The following GPM6A variants were observed in gnomAD, a reference collection of about 807,000 sequenced individuals.
GPM6A encodes neuronal membrane glycoprotein M6-a.
In GPM6A, 7 loss-of-function variants were observed where a neutral mutation model predicts 32.1. The ratio of observed to expected loss-of-function variants is 0.22; its 90% CI spans 0.12 to 0.41. The LOEUF is 0.41. GPM6A is among the 10% of genes least tolerant of loss of function. The pLI is 1.00. For missense variants in GPM6A, 235 were observed against 347.2 expected, an observed-to-expected ratio of 0.68 and a Z score of 2.57; for synonymous variants, 130 against 123.4, an observed-to-expected ratio of 1.05 and a Z score of -0.35.
In GPM6A at chr4:175,634,341, C is replaced by T. The variant is rs1475283891; in HGVS notation, c.*564G>A. 1 of 152,152 alleles carries T rather than the reference C, an allele frequency of 6.6e-6. No homozygotes were observed. The highest frequency in any genetic ancestry group is 2.4e-5 in the African/African-American group (1 of 41,300). 9.4% of individuals were successfully genotyped at this position (152,152 alleles called of 1,614,324 possible). A position where few individuals can be genotyped will look rare whatever the true frequency, so the allele number is the denominator to read the frequency against. ...TACTCTTACAAATTTAGAAATTGCA[C>T]CTTAGATTGATGAAAACATGAACCA... On this transcript the variant is annotated 3_prime_UTR_variant, in exon 7 of 7. Coordinates refer to ENST00000393658, the MANE Select transcript of GPM6A (RefSeq NM_201591.3).
At chr4:175,998,510 C>T (rs1245433745) in intron 1 of GPM6A, among the ~76,000 whole-genome samples, 1 of 152,216 alleles carries the variant, frequency 6.6e-6, no homozygotes, top group Non-Finnish European at 1.5e-5. Context: ...TTGTCCAAAA[C>T]ATGCAGAAAG....
intron 1 of GPM6A, chr4:175,907,287 T>C (rs1262219877): frequency 2.0e-5 from 3 of 152,150 alleles, no homozygotes; most frequent in South Asian, 2.1e-4. Context: ...CTAGTTTTAA[T>C]TGTGCTCTTT....
chr4:175,866,929 T>G (rs1336504558), intron 1 of GPM6A, among the ~76,000 whole-genome samples: 1 of 152,212 alleles, frequency 6.6e-6, no homozygotes, highest in Non-Finnish European at 1.5e-5. Flanking sequence ...CTGCATTTGG[T>G]GTTGTCAGTA....
intron 3 of GPM6A, among the ~76,000 whole-genome samples, chr4:175,655,749 T>C (rs746894083): frequency 6.6e-6 from 1 of 152,110 alleles, no homozygotes; most frequent in African/African-American, 2.4e-5. Context: ...TGAAATCAGA[T>C]GACCTAGTCA....
intron 1 of GPM6A, among the ~76,000 whole-genome samples, chr4:175,995,421 A>G (rs897089543): frequency 2.6e-5 from 4 of 151,796 alleles, no homozygotes; most frequent in Admixed American, 2.6e-4. Context: ...ACGAAGCACA[A>G]TACAGTGAAG....
intron 1 of GPM6A, among the ~76,000 whole-genome samples, chr4:175,865,768 T>C (rs1036203687): frequency 6.6e-5 from 10 of 152,312 alleles, no homozygotes; most frequent in African/African-American, 2.4e-4. Context: ...TATTTTTGTC[T>C]ATTCTGCTGA....
chr4:175,879,753 T>C (rs1737209123), intron 1 of GPM6A, among the ~76,000 whole-genome samples: 1 of 152,144 alleles, frequency 6.6e-6, no homozygotes. Flanking sequence ...CTAATTATTA[T>C]GTAGTAGACA....
intron 1 of GPM6A, among the ~76,000 whole-genome samples, chr4:175,953,148 A>G (rs369265607): frequency 1.3e-5 from 2 of 151,888 alleles, no homozygotes; most frequent in Admixed American, 1.3e-4. Flanking sequence ...TGCATTCTAC[A>G]TATCTAAAAT....
intron 1 of GPM6A, among the ~76,000 whole-genome samples, chr4:175,733,726 A>G (rs534202111): frequency 6.6e-6 from 1 of 152,320 alleles, no homozygotes; most frequent in African/African-American, 2.4e-5. Flanking sequence ...GACTATGAAA[A>G]GAATAAAACA....
intron 1 of GPM6A, among the ~76,000 whole-genome samples, chr4:175,841,867 T>C (rs1735946803): frequency 1.3e-5 from 2 of 152,162 alleles, no homozygotes; most frequent in African/African-American, 4.8e-5. Context: ...GATCTGACAT[T>C]GCTTACAGAA....
chr4:175,783,547 A>G (rs1197388825), intron 1 of GPM6A, among the ~76,000 whole-genome samples: 2 of 151,958 alleles, frequency 1.3e-5, no homozygotes, highest in African/African-American at 4.8e-5. Context: ...GTGCCAAATT[A>G]TATGCTTTGA....
At chr4:175,788,494 T>A (rs1273979028) in intron 1 of GPM6A, among the ~76,000 whole-genome samples, 1 of 152,144 alleles carries the variant, frequency 6.6e-6, no homozygotes, top group Non-Finnish European at 1.5e-5. Flanking sequence ...TGAATCCCAA[T>A]ACTTGAAAAG....
chr4:175,820,418 C>T (rs1170908096), intron 1 of GPM6A, among the ~76,000 whole-genome samples: 2 of 151,456 alleles, frequency 1.3e-5, no homozygotes, highest in African/African-American at 4.9e-5. Context: ...TGTGTGCATG[C>T]ATATGTGTGT....
At chr4:175,870,438 G>A (rs1007826318) in intron 1 of GPM6A, among the ~76,000 whole-genome samples, 15 of 151,944 alleles carry the variant, frequency 9.9e-5, no homozygotes, top group African/African-American at 1.5e-4. Context: ...ATGTTATTAC[G>A]TACCTACTAT....
chr4:175,746,524 T>A (rs919832491), intron 1 of GPM6A, among the ~76,000 whole-genome samples: 1 of 152,146 alleles, frequency 6.6e-6, no homozygotes, highest in Non-Finnish European at 1.5e-5. Context: ...CAGCAAAAAA[T>A]GGCATTTGGA....
chr4:175,890,849 C>A (rs951978642), intron 1 of GPM6A, among the ~76,000 whole-genome samples: 4 of 152,130 alleles, frequency 2.6e-5, no homozygotes, highest in Non-Finnish European at 5.9e-5. Context: ...AGCCATCACA[C>A]CCCTCTAAGA....
chr4:175,635,208 T>C, intron 6 of GPM6A, 151 bp from the exon 7 acceptor site: 1 of 643,370 alleles, frequency 1.6e-6, no homozygotes, highest in Non-Finnish European at 2.7e-6. Flanking sequence ...ACAGAAACAA[T>C]ATAAAATATA....
chr4:175,640,466 A>G (rs1429361209), intron 5 of GPM6A, among the ~76,000 whole-genome samples: 2 of 152,214 alleles, frequency 1.3e-5, no homozygotes, highest in African/African-American at 4.8e-5. Flanking sequence ...TTATAACAAT[A>G]TAAGGAGGGC....
rs576553699 is a variant in GPM6A, at chr4:175,701,275, A to G, written c.230+300T>C. ...ATTCTAATAGAACAGCCTCTGTTCA[A>G]ATGAGAAGAGCAAGGGAAGTCCCAG... On this transcript the variant is annotated intron_variant, in intron 2 of 6. Coordinates refer to ENST00000393658, the MANE Select transcript of GPM6A (RefSeq NM_201591.3). 7.9e-5 allele frequency among the ~76,000 whole-genome samples: 12 copies of G among 152,364 alleles called. No individual in the cohort carries two copies. The East Asian group carries it at 1.2e-3, about 15-fold the overall frequency.
Sources: allele counts gnomAD v4.1 joint callset (sites outside exome capture counted in the v4.1 genomes callset), GRCh38; gene constraint gnomAD v4.1.1; transcripts MANE v1.5; gene names NCBI Gene and HGNC (gene_info 2026-07-23, HGNC 2026-07-21).